The following PIP4K2A variants were observed in gnomAD, a reference collection of about 807,000 sequenced individuals.
The protein encoded by PIP4K2A is phosphatidylinositol-5-phosphate 4-kinase type 2 alpha, also known as phosphatidylinositol 5-phosphate 4-kinase type-2 alpha.
In PIP4K2A, 14 loss-of-function variants were observed where a neutral mutation model predicts 42.9. That is an observed-to-expected ratio of 0.33 (90% CI 0.22 to 0.51). The LOEUF is 0.51. Among genes scored for constraint, PIP4K2A ranks in the 20% least tolerant of loss-of-function variants. PIP4K2A has a pLI of 0.97. For synonymous variants in PIP4K2A, 192 were observed against 192.2 expected, an observed-to-expected ratio of 1.00 and a Z score of 0.01; for missense variants, 434 against 519.8, an observed-to-expected ratio of 0.83 and a Z score of 1.61.
intron 1 of PIP4K2A, among the ~76,000 whole-genome samples, chr10:22,612,258 A>C (rs1032742756): frequency 6.6e-6 from 1 of 152,218 alleles, no homozygotes; most frequent in African/African-American, 2.4e-5. Context: ...AGACACATTA[A>C]CTGAAGAACT....
At chr10:22,547,115 C>G (rs923889788) in intron 7 of PIP4K2A, among the ~76,000 whole-genome samples, 5 of 152,164 alleles carry the variant, frequency 3.3e-5, no homozygotes, top group Admixed American at 3.3e-4. Context: ...TAAGACTATC[C>G]TTCACAATGG....
chr10:22,540,698 G>A (rs1408827042), intron 8 of PIP4K2A, among the ~76,000 whole-genome samples: 1 of 152,142 alleles, frequency 6.6e-6, no homozygotes, highest in African/African-American at 2.4e-5. Flanking sequence ...CGGGATTACA[G>A]GCATGCATCA....
chr10:22,550,594 C>G (rs965808217), intron 7 of PIP4K2A, 65 bp downstream of exon 7: 16 of 884,578 alleles, frequency 1.8e-5, no homozygotes, highest in Non-Finnish European at 2.7e-5. Context: ...GTTTAAAAAG[C>G]TCCTAAAACC....
chr10:22,624,434 T>C (rs1403607139), intron 1 of PIP4K2A, among the ~76,000 whole-genome samples: 1 of 152,230 alleles, frequency 6.6e-6, no homozygotes, highest in Non-Finnish European at 1.5e-5. Context: ...CCTATGAAGT[T>C]TGCTTTAGAA....
intron 1 of PIP4K2A, among the ~76,000 whole-genome samples, chr10:22,623,409 C>T (rs147684384): frequency 1.2e-3 from 178 of 152,238 alleles, no homozygotes; most frequent in Non-Finnish European, 2.1e-3. Context: ...AGCTCTAAGG[C>T]AAGGGTCGCA....
chr10:22,681,426 C>T (rs1054169092), intron 1 of PIP4K2A, among the ~76,000 whole-genome samples: 1 of 152,200 alleles, frequency 6.6e-6, no homozygotes, highest in Admixed American at 6.5e-5. Flanking sequence ...GTAATCCCAT[C>T]ACCTTGAGAG....
chr10:22,571,142 T>A (rs1172375288), intron 5 of PIP4K2A, among the ~76,000 whole-genome samples: 1 of 152,212 alleles, frequency 6.6e-6, no homozygotes, highest in African/African-American at 2.4e-5. Context: ...TTCGTGACGG[T>A]TTGAGTTATG....
intron 1 of PIP4K2A, among the ~76,000 whole-genome samples, chr10:22,664,109 A>ATATG (rs2130840642): frequency 1.3e-5 from 1 of 74,298 alleles, no homozygotes; most frequent in South Asian, 3.1e-4. Flanking sequence ...ATATACATAT[A>ATATG]TATATACATA....
intron 1 of PIP4K2A, chr10:22,691,705 C>T (rs1839872333): frequency 6.6e-6 from 1 of 152,212 alleles, no homozygotes; most frequent in African/African-American, 2.4e-5. Flanking sequence ...GGAAACCCTG[C>T]TCCCAGCACA....
At chr10:22,614,217 C>T (rs928467346) in intron 1 of PIP4K2A, among the ~76,000 whole-genome samples, 1 of 152,158 alleles carries the variant, frequency 6.6e-6, no homozygotes, top group Non-Finnish European at 1.5e-5. Context: ...AATGTTTGGT[C>T]CTCTTTATCT....
At chr10:22,632,535 C>T (rs1223491728) in intron 1 of PIP4K2A, among the ~76,000 whole-genome samples, 1 of 152,152 alleles carries the variant, frequency 6.6e-6, no homozygotes, top group East Asian at 1.9e-4. Context: ...CAAAATGCAC[C>T]TTACATACAA....
At chr10:22,658,196 A>G (rs1391328403) in intron 1 of PIP4K2A, among the ~76,000 whole-genome samples, 1 of 152,242 alleles carries the variant, frequency 6.6e-6, no homozygotes, top group Non-Finnish European at 1.5e-5. Flanking sequence ...TGGCATCAAA[A>G]TGTCACACCA....
intron 4 of PIP4K2A, among the ~76,000 whole-genome samples, chr10:22,582,440 T>C (rs1837300678): frequency 6.6e-6 from 1 of 152,186 alleles, no homozygotes; most frequent in Non-Finnish European, 1.5e-5. Context: ...TGTACTGCAA[T>C]AGATAAATAT....
At chr10:22,582,894 A>T (rs1168636236) in intron 4 of PIP4K2A, among the ~76,000 whole-genome samples, 1 of 103,898 alleles carries the variant, frequency 9.6e-6, no homozygotes, top group Non-Finnish European at 2.1e-5. Flanking sequence ...CTTGAAGTAA[A>T]AAAAAAAAAA....
At chr10:22,685,799 A>G (rs1404052637) in intron 1 of PIP4K2A, among the ~76,000 whole-genome samples, 4 of 151,974 alleles carry the variant, frequency 2.6e-5, no homozygotes, top group Non-Finnish European at 2.9e-5. Flanking sequence ...TAGTCCTATC[A>G]CTCGTCTGGT....
intron 1 of PIP4K2A, among the ~76,000 whole-genome samples, chr10:22,695,948 A>T (rs114728885): frequency 0.012 from 1,888 of 152,250 alleles, 46 homozygotes; most frequent in African/African-American, 0.042. Flanking sequence ...CCCCCCACTC[A>T]TCTCACCTTA....
intron 1 of PIP4K2A, among the ~76,000 whole-genome samples, chr10:22,666,506 T>C (rs2130849051): frequency 1.3e-5 from 2 of 152,300 alleles, no homozygotes; most frequent in South Asian, 4.1e-4. Context: ...TCCCAAAAGA[T>C]ATTATCAAAT....
intron 1 of PIP4K2A, among the ~76,000 whole-genome samples, chr10:22,664,094 T>TATATAC (rs1554807214): frequency 3.5e-5 from 3 of 85,184 alleles, no homozygotes; most frequent in African/African-American, 1.7e-4. Flanking sequence ...TATATACATA[T>TATATAC]ATATATATAC....
chr10:22,652,380 C>A (rs1231343576), intron 1 of PIP4K2A, among the ~76,000 whole-genome samples: 1 of 152,140 alleles, frequency 6.6e-6, no homozygotes, highest in African/African-American at 2.4e-5. Flanking sequence ...CTCATCCTCC[C>A]AAAGTACAGG....
Sources: gnomAD v4.1 joint callset for allele counts (sites outside exome capture counted in the v4.1 genomes callset) on GRCh38, gnomAD v4.1.1 for gene constraint, MANE v1.5 for transcripts, NCBI Gene and HGNC (gene_info 2026-07-23, HGNC 2026-07-21) for gene names.